Variants in MTMR7 observed in about 807,000 individuals in gnomAD.
The protein encoded by MTMR7 is phosphatidylinositol-3-phosphate phosphatase MTMR7.
MTMR7 carries 76 observed loss-of-function variants against 81.2 expected under a neutral mutation model. The ratio of observed to expected loss-of-function variants is 0.94; its 90% CI spans 0.78 to 1.13. The LOEUF (loss-of-function observed/expected upper bound fraction) is 1.13, where lower values mean the gene tolerates loss of function less well. Among genes scored for constraint, MTMR7 ranks in the 50% most tolerant of loss-of-function variants. The probability of loss-of-function intolerance (pLI) is 0.00; values close to 1 mark genes in which losing one functional copy is unlikely to be tolerated. For missense variants in MTMR7, 1,044 were observed against 820.0 expected, an observed-to-expected ratio of 1.27 and a Z score of -3.34; for synonymous variants, 372 against 289.8, an observed-to-expected ratio of 1.28 and a Z score of -2.88.
intron 3 of MTMR7, among the ~76,000 whole-genome samples, chr8:17,369,814 T>G (rs1446131892): frequency 6.6e-6 from 1 of 151,792 alleles, no homozygotes; most frequent in African/African-American, 2.4e-5. Context: ...CCCAGCTAAT[T>G]TTTTGTATTT....
rs917621592 is a variant in MTMR7 at position 17,299,769 on chromosome 8, A to C, written c.*93T>G. 12 of 1,524,668 alleles carry C rather than the reference A, an allele frequency of 7.9e-6. No homozygotes were observed. Among genetic ancestry groups the C allele is most frequent in the African/African-American group, 2.8e-5 (2 of 72,078 alleles). 94.4% of individuals were successfully genotyped at this position (1,524,668 alleles called of 1,614,324 possible). A position where few individuals can be genotyped will look rare whatever the true frequency, so the allele number is the denominator to read the frequency against. On this transcript the variant is annotated 3_prime_UTR_variant, in exon 14 of 14. Coordinates refer to ENST00000180173, the MANE Select transcript of MTMR7 (RefSeq NM_004686.5). ...ATTAAAGTAGTTCTCAATGACATGCACCATTTCCTGTTTTTACAATAAACC... is the reference window on the plus strand; with the variant it reads ...ATTAAAGTAGTTCTCAATGACATGCCCCATTTCCTGTTTTTACAATAAACC...
chr8:17,304,362 A>G lies in MTMR7; in HGVS notation c.1493+17T>C. ...AAGTTCATACCATGGCTACAAAGTT[A>G]CCAAGGATTTACATACTTGTACATG... is the stretch of plus-strand genomic sequence containing the variant. On this transcript the variant is annotated intron_variant, in intron 12 of 13. Transcript: ENST00000180173. The G allele has an allele frequency of 6.2e-7, 1 of 1,606,386 alleles. No individual in the cohort carries two copies. The highest frequency in any genetic ancestry group is 8.5e-7 in the Non-Finnish European group (1 of 1,173,782).
chr8:17,346,213 T>A (rs143304558), intron 5 of MTMR7: 1 of 152,172 alleles, frequency 6.6e-6, no homozygotes. Context: ...AATGTAAACA[T>A]TGTTATAAAA....
At chr8:17,407,928 T>A (rs1268627033) in intron 1 of MTMR7, among the ~76,000 whole-genome samples, 1 of 152,176 alleles carries the variant, frequency 6.6e-6, no homozygotes, top group Non-Finnish European at 1.5e-5. Flanking sequence ...CTGATGTCCG[T>A]CTATCACAGA....
At chr8:17,406,107 T>G (rs1235589513) in intron 1 of MTMR7, among the ~76,000 whole-genome samples, 1 of 152,116 alleles carries the variant, frequency 6.6e-6, no homozygotes, top group African/African-American at 2.4e-5. Context: ...AAAATATACA[T>G]AGATATGACA....
chr8:17,321,291 G>T (rs1818376479), intron 7 of MTMR7, among the ~76,000 whole-genome samples: 2 of 152,312 alleles, frequency 1.3e-5, no homozygotes, highest in East Asian at 1.9e-4. Context: ...AGAATGTCCT[G>T]CCAGAGAGAA....
At chr8:17,310,491 G>A (rs569400290) in intron 9 of MTMR7, among the ~76,000 whole-genome samples, 5 of 152,284 alleles carry the variant, frequency 3.3e-5, no homozygotes, top group South Asian at 2.1e-4. Context: ...TGATGGAAAC[G>A]CATGTGTGCA....
At chr8:17,374,859 A>G (rs895604970) in intron 1 of MTMR7, among the ~76,000 whole-genome samples, 4 of 151,894 alleles carry the variant, frequency 2.6e-5, no homozygotes, top group African/African-American at 9.7e-5. Context: ...CTGTAATCCC[A>G]GCACTTTGAT....
intron 3 of MTMR7, among the ~76,000 whole-genome samples, chr8:17,364,943 G>A (rs1820180990): frequency 6.6e-6 from 1 of 152,218 alleles, no homozygotes; most frequent in African/African-American, 2.4e-5. Flanking sequence ...AAGTGGGATT[G>A]TGGAATCATA....
In MTMR7 at chr8:17,304,368, G is replaced by T. The variant is rs778032800; in HGVS notation, c.1493+11C>A. On this transcript the variant is annotated intron_variant, in intron 12 of 13. Coordinates refer to ENST00000180173, the MANE Select transcript of MTMR7 (RefSeq NM_004686.5). ...ATACCATGGCTACAAAGTTACCAAG[G>T]ATTTACATACTTGTACATGAAGTTA... is the stretch of plus-strand genomic sequence containing the variant. 1.6e-5 allele frequency: 25 copies of T among 1,608,690 alleles called. No individual in the cohort carries two copies. The highest frequency in any genetic ancestry group is 8.3e-5 in the Admixed American group (5 of 59,888).
chr8:17,315,317 CA>C (rs1186143158), intron 7 of MTMR7, among the ~76,000 whole-genome samples: 1 of 152,108 alleles, frequency 6.6e-6, no homozygotes, highest in African/African-American at 2.4e-5. Context: ...GTAAAAAAAT[CA>C]GCGGCTGCCA....
chr8:17,323,220 T>C (rs1469031396), intron 7 of MTMR7, among the ~76,000 whole-genome samples: 1 of 152,016 alleles, frequency 6.6e-6, no homozygotes, highest in Non-Finnish European at 1.5e-5. Flanking sequence ...GTGCTGAGAT[T>C]ACAGGTATGA....
chr8:17,326,163 C>T (rs931856845), intron 7 of MTMR7, among the ~76,000 whole-genome samples: 2 of 152,160 alleles, frequency 1.3e-5, no homozygotes, highest in African/African-American at 4.8e-5. Flanking sequence ...CCTCGAGAGG[C>T]AGAAAAGCCT....
chr8:17,385,557 C>G (rs1820909636), intron 1 of MTMR7, among the ~76,000 whole-genome samples: 1 of 152,196 alleles, frequency 6.6e-6, no homozygotes, highest in African/African-American at 2.4e-5. Flanking sequence ...GAGGCCTTCC[C>G]AGCCATGTAG....
At chr8:17,403,708 AAT>A (rs1217686717) in intron 1 of MTMR7, among the ~76,000 whole-genome samples, 1 of 152,166 alleles carries the variant, frequency 6.6e-6, no homozygotes, top group African/African-American at 2.4e-5. Flanking sequence ...ATGAACATGG[AAT>A]ATCTTTTCAG....
intron 3 of MTMR7, among the ~76,000 whole-genome samples, chr8:17,364,760 G>C (rs1437895096): frequency 6.6e-6 from 1 of 152,170 alleles, no homozygotes; most frequent in Non-Finnish European, 1.5e-5. Context: ...TCCTTTTTAA[G>C]GCTGAATAGC....
Position 17,300,033 on chromosome 8 carries a change from A to C in MTMR7, c.1812T>G (p.Ile604Met). 1 of 1,614,114 alleles carries C rather than the reference A, an allele frequency of 6.2e-7. No individual in the cohort carries two copies. The highest frequency in any genetic ancestry group is 1.1e-5 in the South Asian group (1 of 91,082). ...AACTTTTCAGATTGTCTTGGGTTAGAATCAGAGCAGAATCTTCATCGCCTT... is the reference window on the plus strand; with the variant it reads ...AACTTTTCAGATTGTCTTGGGTTAGCATCAGAGCAGAATCTTCATCGCCTT... Reference protein sequence around the residue: ...PSQGDEDSALILTQDNLKSSD... With the variant: ...PSQGDEDSALMLTQDNLKSSD... Residue 604 changes from isoleucine (I) to methionine (M), a missense_variant, in exon 14 of 14, where the codon ATT (isoleucine) becomes ATG (methionine). Transcript: ENST00000180173.
chr8:17,409,358 G>A (rs1821679464), intron 1 of MTMR7, among the ~76,000 whole-genome samples: 2 of 152,108 alleles, frequency 1.3e-5, no homozygotes, highest in African/African-American at 4.8e-5. Flanking sequence ...TACTCGGGAG[G>A]CTGAGGCAGG....
chr8:17,379,184 G>A (rs1820685147), intron 1 of MTMR7, among the ~76,000 whole-genome samples: 2 of 152,152 alleles, frequency 1.3e-5, no homozygotes, highest in Admixed American at 6.5e-5. Context: ...TCAGGAACAT[G>A]GGGGCACTGG....
Sources: gnomAD v4.1 joint callset for allele counts (sites outside exome capture counted in the v4.1 genomes callset) on GRCh38, gnomAD v4.1.1 for gene constraint, MANE v1.5 for transcripts, NCBI Gene and HGNC (gene_info 2026-07-23, HGNC 2026-07-21) for gene names.